The following C8orf34 variants were observed in gnomAD, a reference collection of about 807,000 sequenced individuals.
C8orf34 encodes chromosome 8 open reading frame 34.
Under a neutral mutation model 68.3 loss-of-function variants are expected in C8orf34, and 65 were observed. That is an observed-to-expected ratio of 0.95 (90% CI 0.78 to 1.17). C8orf34 has a LOEUF of 1.17. Among genes scored for constraint, C8orf34 ranks in the 50% most tolerant of loss-of-function variants. The pLI, the probability that C8orf34 is intolerant of heterozygous loss-of-function variation, is 0.00. For missense variants in C8orf34, 664 were observed against 655.4 expected (o/e 1.01, Z -0.14); for synonymous variants, 244 against 241.2 (o/e 1.01, Z -0.11).
At chr8:68,338,693 G>T (rs62521783) in intron 1 of C8orf34, among the ~76,000 whole-genome samples, 1 of 152,022 alleles carries the variant, frequency 6.6e-6, no homozygotes, top group East Asian at 1.9e-4. Flanking sequence ...GTTGTATTCC[G>T]TATGGCTATG....
chr8:68,746,693 G>T (rs1304257983), intron 10 of C8orf34, among the ~76,000 whole-genome samples: 98 of 147,786 alleles, frequency 6.6e-4, no homozygotes, highest in African/African-American at 2.2e-3. Flanking sequence ...GGAAGAAGTT[G>T]AATCTCTGAA....
At chr8:68,406,639 G>A (rs1220201409) in intron 1 of C8orf34, among the ~76,000 whole-genome samples, 1 of 152,040 alleles carries the variant, frequency 6.6e-6, no homozygotes, top group Admixed American at 6.6e-5. Context: ...GGGACTATAG[G>A]CACCGGCCAC....
chr8:68,463,492 A>G (rs1811950732), intron 3 of C8orf34, among the ~76,000 whole-genome samples: 1 of 152,350 alleles, frequency 6.6e-6, no homozygotes, highest in African/African-American at 2.4e-5. Flanking sequence ...AAACCAAAAA[A>G]GAGAATTTTA....
chr8:68,340,192 A>C (rs1382117529), intron 1 of C8orf34, among the ~76,000 whole-genome samples: 1 of 152,088 alleles, frequency 6.6e-6, no homozygotes, highest in Non-Finnish European at 1.5e-5. Flanking sequence ...CTTTGGAAAA[A>C]AGTTTGGCAA....
At chr8:68,764,519 T>C (rs1013739298) in intron 10 of C8orf34, among the ~76,000 whole-genome samples, 1 of 152,096 alleles carries the variant, frequency 6.6e-6, no homozygotes, top group South Asian at 2.1e-4. Context: ...CACACAAATA[T>C]GTGGGCTGGG....
At chr8:68,565,650 A>G (rs1160617735) in intron 7 of C8orf34, among the ~76,000 whole-genome samples, 1 of 152,192 alleles carries the variant, frequency 6.6e-6, no homozygotes, top group Non-Finnish European at 1.5e-5. Flanking sequence ...TTCTAACCTC[A>G]GTGAAAAGTA....
chr8:68,524,157 C>T (rs1295725198), intron 6 of C8orf34, among the ~76,000 whole-genome samples: 3 of 152,226 alleles, frequency 2.0e-5, no homozygotes, highest in Non-Finnish European at 4.4e-5. Flanking sequence ...ATCTTTGTTA[C>T]ATAGCCAGCT....
intron 10 of C8orf34, among the ~76,000 whole-genome samples, chr8:68,737,323 T>C (rs1822149435): frequency 6.6e-6 from 1 of 152,144 alleles, no homozygotes; most frequent in South Asian, 2.1e-4. Context: ...TGTTCTTTTA[T>C]GCAAATATTC....
At chr8:68,726,448 A>G (rs150980815) in intron 10 of C8orf34, among the ~76,000 whole-genome samples, 53 of 152,328 alleles carry the variant, frequency 3.5e-4, no homozygotes, top group African/African-American at 1.2e-3. Flanking sequence ...GGAAAAATGT[A>G]TGTGTCTAAG....
intron 7 of C8orf34, among the ~76,000 whole-genome samples, chr8:68,603,525 CTATCTATCTATCTATCTATCTATCTATCT>C (rs1233107457): frequency 3.6e-4 from 43 of 119,560 alleles, no homozygotes; most frequent in African/African-American, 1.0e-3. Context: ...ATACATATAT[CTATCTATCTATCTATCTATCTATCTATCT>C]ATCTATCTAT....
At chr8:68,766,919 C>T (rs1823195530) in intron 10 of C8orf34, among the ~76,000 whole-genome samples, 1 of 152,182 alleles carries the variant, frequency 6.6e-6, no homozygotes, top group African/African-American at 2.4e-5. Flanking sequence ...CACAGTGGCT[C>T]ATGTCTGTAA....
intron 12 of C8orf34, among the ~76,000 whole-genome samples, chr8:68,807,914 C>T (rs1053197462): frequency 7.2e-5 from 11 of 152,328 alleles, no homozygotes; most frequent in East Asian, 1.9e-4. Flanking sequence ...TGTGGCCTTT[C>T]GGCCTAGAAG....
At chr8:68,375,482 A>G (rs17466306) in intron 1 of C8orf34, among the ~76,000 whole-genome samples, 5,010 of 152,310 alleles carry the variant, frequency 0.033, 111 homozygotes, top group Non-Finnish European at 0.049. Flanking sequence ...TTAAATGGAC[A>G]TGCACAAGCA....
At chr8:68,610,861 G>GTTTTTGTT (rs767393143) in intron 7 of C8orf34, among the ~76,000 whole-genome samples, 119 of 120,432 alleles carry the variant, frequency 9.9e-4, no homozygotes, top group African/African-American at 3.9e-3. Context: ...TGAATCTTTG[G>GTTTTTGTT]TTTTTTTTTT....
At chr8:68,750,011 T>C (rs1044415958) in intron 10 of C8orf34, among the ~76,000 whole-genome samples, 9 of 152,184 alleles carry the variant, frequency 5.9e-5, no homozygotes, top group Admixed American at 2.0e-4. Context: ...CTGGGTCATA[T>C]GACAGATTTA....
chr8:68,669,812 T>C (rs745385247), intron 8 of C8orf34, among the ~76,000 whole-genome samples: 12 of 152,122 alleles, frequency 7.9e-5, no homozygotes, highest in Non-Finnish European at 1.8e-4. Context: ...GTGATGGAGT[T>C]TTACATCAAG....
chr8:68,617,469 G>C (rs1818258737), intron 7 of C8orf34, among the ~76,000 whole-genome samples: 1 of 152,114 alleles, frequency 6.6e-6, no homozygotes, highest in Non-Finnish European at 1.5e-5. Flanking sequence ...AGCTCTTGTA[G>C]GGCAGGCCTT....
chr8:68,742,991 C>T (rs1369293666), intron 10 of C8orf34, among the ~76,000 whole-genome samples: 2 of 152,126 alleles, frequency 1.3e-5, no homozygotes, highest in Non-Finnish European at 2.9e-5. Flanking sequence ...TCCTGTCTTC[C>T]CCTGAAATTT....
At chr8:68,603,097 T>C (rs1817746357) in intron 7 of C8orf34, among the ~76,000 whole-genome samples, 1 of 152,078 alleles carries the variant, frequency 6.6e-6, no homozygotes, top group South Asian at 2.1e-4. Flanking sequence ...CTTCTGTTCA[T>C]CTTTCAAATC....
Sources: gnomAD v4.1 joint callset for allele counts (sites outside exome capture counted in the v4.1 genomes callset) on GRCh38, gnomAD v4.1.1 for gene constraint, MANE v1.5 for transcripts, NCBI Gene and HGNC (gene_info 2026-07-23, HGNC 2026-07-21) for gene names.